The following ALG8 variants were observed in gnomAD, a reference collection of about 807,000 sequenced individuals.
ALG8 encodes dolichyl pyrophosphate Glc1Man9GlcNAc2 alpha-1,3-glucosyltransferase.
ALG8 carries 48 observed loss-of-function variants against 70.2 expected under a neutral mutation model. The observed-to-expected ratio is 0.68, with a 90% confidence interval of 0.54 to 0.87. The LOEUF (loss-of-function observed/expected upper bound fraction) is 0.87. Ranked by LOEUF, ALG8 falls within the 40% of genes least tolerant of loss-of-function variation. The pLI, the probability that ALG8 is intolerant of heterozygous loss-of-function variation, is 0.00. For synonymous variants in ALG8, 234 were observed against 229.0 expected (o/e 1.02, Z -0.20); for missense variants, 572 against 608.7 (o/e 0.94, Z 0.64).
chr11:78,104,410 T>A lies in ALG8; in HGVS notation c.1222A>T (p.Ile408Phe), dbSNP rs776037621. 2 of 1,600,352 alleles carry A rather than the reference T, an allele frequency of 1.2e-6. No homozygotes were observed. The highest frequency in any genetic ancestry group is 1.7e-5 in the Admixed American group (1 of 57,874). Residue 408 changes from isoleucine (I) to phenylalanine (F), a missense_variant, in exon 11 of 13, where the codon ATT (isoleucine) becomes TTT (phenylalanine). Transcript: ENST00000299626. ...GAATAATGTCCTGTTGTGGTCAGAA[T>A]CAGAAAAATCGAAGCGTCTCCTGCT... is the stretch of plus-strand genomic sequence containing the variant. ...GKAGDASIFL[I>F]LTTTGHYSLF...
chr11:78,127,712 C>CTTTTTTTTTTTTTTT (rs1192507872), intron 1 of ALG8, among the ~76,000 whole-genome samples: 1 of 132,908 alleles, frequency 7.5e-6, no homozygotes, highest in African/African-American at 2.8e-5. Context: ...TTTTTCTTTT[C>CTTTTTTTTTTTTTTT]TTTTTTTTTT....
At chr11:78,119,149 A>G in intron 5 of ALG8, 33 bp downstream of exon 5, 1 of 1,535,328 alleles carries the variant, frequency 6.5e-7, no homozygotes, top group Non-Finnish European at 9.0e-7. Flanking sequence ...CTAATCTAAA[A>G]GGGAAAAAAT....
intron 1 of ALG8, among the ~76,000 whole-genome samples, chr11:78,131,685 C>A (rs974391583): frequency 2.0e-5 from 3 of 152,002 alleles, no homozygotes; most frequent in Non-Finnish European, 4.4e-5. Context: ...AGGCTGGTCC[C>A]AAACTCCCAA....
chr11:78,124,114 AC>A lies in ALG8; in HGVS notation c.274del (p.Val92SerfsTer4). ...AKYFDQEMLN[V>X]HNLNYSSSRT... ...TGAGCTGGAGTAATTCAAATTATGG[AC>A]ATTCAGCATTTCTTGATCAAAATAT... is the stretch of plus-strand genomic sequence containing the variant. On this transcript the variant is annotated frameshift_variant, in exon 3 of 13. Transcript: ENST00000299626. LOFTEE classifies it high-confidence loss of function. 1 of 1,614,184 alleles carries A rather than the reference AC, an allele frequency of 6.2e-7. No homozygotes were observed. The highest frequency in any genetic ancestry group is 8.5e-7 in the Non-Finnish European group (1 of 1,180,018).
chr11:78,113,903 C>A lies in ALG8; in HGVS notation c.760G>T (p.Gly254Cys), dbSNP rs1860434528. Residue 254 changes from glycine to cysteine, a missense_variant, in exon 7 of 13, where the codon GGT (glycine) becomes TGT (cysteine). Coordinates refer to ENST00000299626, the MANE Select transcript of ALG8 (RefSeq NM_024079.5). ...VVFLVSALSL[G>C]PFLALNQLPQ... ...AGGCTTACCAAGGCCAGGAAAGGAC[C>A]CAATGAAAGAGCAGAAACTAAGAAA... 1 of 1,577,748 alleles carries A rather than the reference C, an allele frequency of 6.3e-7. No homozygotes were observed. The highest frequency in any genetic ancestry group is 1.4e-5 in the African/African-American group (1 of 69,270).
Position 78,113,932 on chromosome 11 carries a change from A to G in ALG8, c.731T>C (p.Val244Ala), listed in dbSNP as rs555118480. The G allele has an allele frequency of 6.2e-7, 1 of 1,608,726 alleles. No individual in the cohort carries two copies. The highest frequency in any genetic ancestry group is 1.3e-5 in the African/African-American group (1 of 74,910). The change falls in exon 7 of 13, where the codon GTT becomes GCT. Residue 244 changes from valine to alanine, a missense_variant. Coordinates refer to ENST00000299626, the MANE Select transcript of ALG8 (RefSeq NM_024079.5). ...TGAAAGAGCAGAAACTAAGAAAACA[A>G]CCAGTCCCAGGGAAATAACACGAAC... is the stretch of plus-strand genomic sequence containing the variant. ...SFVRVISLGL[V>A]VFLVSALSLG... is the part of the protein sequence containing the mutation.
chr11:78,106,759 T>C, intron 10 of ALG8, 48 bp downstream of exon 10: 1 of 1,611,312 alleles, frequency 6.2e-7, no homozygotes, highest in Non-Finnish European at 8.5e-7. Context: ...GAAAATAGGA[T>C]CATTGTGAAA....
In ALG8 at chr11:78,119,047, C is replaced by T. The variant is rs117479614; in HGVS notation, c.546+135G>A. The stretch of plus-strand genomic sequence containing the variant: ...GAGAAGATGGAATTTGTGAGAAATA[C>T]CTAATAAAAGTGTCTATCGCACTTG... On this transcript the variant is annotated intron_variant, in intron 5 of 12. Coordinates refer to ENST00000299626, the MANE Select transcript of ALG8 (RefSeq NM_024079.5). 0.017 allele frequency: 11,217 copies of T among 670,302 alleles called. 127 individuals are homozygous for T. The highest frequency in any genetic ancestry group is 0.025 in the Middle Eastern group (62 of 2,446). The allele number at this position is 670,302 out of a possible 1,614,324, so 41.5% of individuals were successfully genotyped here. A position where few individuals can be genotyped will look rare whatever the true frequency, so the allele number is the denominator to read the frequency against.
At position 78,104,442 on chromosome 11, in the gene ALG8, A is replaced by G; in HGVS notation, c.1190T>C (p.Val397Ala). The change falls in exon 11 of 13, where the codon GTG (valine) becomes GCG (alanine). Residue 397 changes from valine (V) to alanine (A), a missense_variant. Coordinates refer to ENST00000299626, the MANE Select transcript of ALG8 (RefSeq NM_024079.5). ...LAILPMSLLSVGKAGDASIFL... is the reference protein window; with the variant it reads ...LAILPMSLLSAGKAGDASIFL... ...AATCGAAGCGTCTCCTGCTTTTCCC[A>G]CAGACAAAAGGCTAAAAATAAAAAT... is the stretch of plus-strand genomic sequence containing the variant. The G allele has an allele frequency of 6.3e-7, 1 of 1,587,250 alleles. No homozygotes were observed. The highest frequency in any genetic ancestry group is 2.3e-5 in the East Asian group (1 of 44,222).
intron 9 of ALG8, 84 bp downstream of exon 9, chr11:78,109,358 A>G: frequency 6.4e-7 from 1 of 1,561,336 alleles, no homozygotes; most frequent in African/African-American, 1.4e-5. Flanking sequence ...CAGTTGGAAG[A>G]GCTTGAAAGT....
At position 78,114,306 on chromosome 11, in the gene ALG8, T is replaced by C. The variant is rs748406490; in HGVS notation, c.633A>G (p.Val211=). The change falls in exon 6 of 13, where the codon GTA becomes GTG. Residue 211 remains valine, a synonymous_variant. Transcript: ENST00000299626. ...TGAAACAGTAGGATCGCAGCAGATA[T>C]ACACCATAAGCTGGTGCTACATAGA... The part of the protein sequence containing the change: ...IYLYVAPAYG[V]YLLRSYCFTA... 8.1e-6 allele frequency: 13 copies of C among 1,614,128 alleles called. No homozygotes were observed. The highest frequency in any genetic ancestry group is 3.3e-5 in the South Asian group (3 of 91,084).
At chr11:78,114,504 G>A (rs191983119) in intron 5 of ALG8, 112 bp from the exon 6 acceptor site, 369 of 1,304,254 alleles carry the variant, frequency 2.8e-4, no homozygotes, top group Admixed American at 4.7e-4. Flanking sequence ...AAGGAAAAAC[G>A]GGTGAAATTC....
At chr11:78,110,741 C>T (rs1445712244) in intron 8 of ALG8, among the ~76,000 whole-genome samples, 1 of 152,268 alleles carries the variant, frequency 6.6e-6, no homozygotes, top group East Asian at 1.9e-4. Flanking sequence ...CTGTCAAATG[C>T]CAGTGAAAAT....
Position 78,100,965 on chromosome 11 carries a change from C to A in ALG8, c.1580G>T (p.Ter527LeuextTer?). ...CACATATCTAAGCAGTTCCTTTATT[C>A]ATTGTTTCTTTGTCTTGCCAATAGC... is the stretch of plus-strand genomic sequence containing the variant. ...DSAIGKTKKQ[*>L] is the part of the protein sequence containing the mutation. Residue 527 changes from the stop codon to leucine, a stop_lost, in exon 13 of 13, where the codon TGA (stop) becomes TTA (leucine). Coordinates refer to ENST00000299626, the MANE Select transcript of ALG8 (RefSeq NM_024079.5). 1 of 1,613,332 alleles carries A rather than the reference C, an allele frequency of 6.2e-7. No individual in the cohort carries two copies. The highest frequency in any genetic ancestry group is 1.1e-5 in the South Asian group (1 of 91,052).
intron 7 of ALG8, 28 bp from the exon 8 acceptor site, chr11:78,112,798 A>C (rs1217109996): frequency 6.2e-7 from 1 of 1,610,644 alleles, no homozygotes; most frequent in Non-Finnish European, 8.5e-7. Flanking sequence ...GAAACTGATT[A>C]AACAGTCATC....
chr11:78,117,860 G>A (rs1407806072), intron 5 of ALG8, among the ~76,000 whole-genome samples: 6 of 151,696 alleles, frequency 4.0e-5, no homozygotes, highest in Non-Finnish European at 8.8e-5. Flanking sequence ...AGATCACGAG[G>A]TCAGGAGATC....
chr11:78,107,198 AATATATAT>A (rs57228944), intron 9 of ALG8, among the ~76,000 whole-genome samples: 6 of 143,870 alleles, frequency 4.2e-5, no homozygotes, highest in African/African-American at 7.5e-5. Context: ...TTTATATGTA[AATATATAT>A]ATATATATAT....
At chr11:78,123,571 C>T (rs748665131) in intron 3 of ALG8, among the ~76,000 whole-genome samples, 6 of 152,124 alleles carry the variant, frequency 3.9e-5, no homozygotes, top group Non-Finnish European at 8.8e-5. Flanking sequence ...CTTGAGTTTA[C>T]TAGAATGAAA....
At chr11:78,133,971 G>A (rs921271165) in intron 1 of ALG8, among the ~76,000 whole-genome samples, 15 of 152,100 alleles carry the variant, frequency 9.9e-5, no homozygotes, top group Non-Finnish European at 7.4e-5. Context: ...AAAAGACAGC[G>A]TACACCTTCA....
Sources: gnomAD v4.1 joint callset for allele counts (sites outside exome capture counted in the v4.1 genomes callset) on GRCh38, gnomAD v4.1.1 for gene constraint, MANE v1.5 for transcripts, NCBI Gene and HGNC (gene_info 2026-07-23, HGNC 2026-07-21) for gene names.